Variants in KCNAB2 observed in about 807,000 individuals in gnomAD.
The protein encoded by KCNAB2 is voltage-gated potassium channel subunit beta-2.
In KCNAB2, 29 loss-of-function variants were observed where a neutral mutation model predicts 63.6. That is an observed-to-expected ratio of 0.46 (90% CI 0.34 to 0.62). KCNAB2 has a LOEUF of 0.62. Among genes scored for constraint, KCNAB2 ranks in the 20% least tolerant of loss-of-function variants. The pLI is 0.01. For missense variants in KCNAB2, 359 were observed against 563.9 expected (o/e 0.64, Z 3.68); for synonymous variants, 222 against 224.2 (o/e 0.99, Z 0.09).
chr1:6,094,538 C>G, intron 11 of KCNAB2, 53 bp downstream of exon 11: 1 of 1,457,286 alleles, frequency 6.9e-7, no homozygotes, highest in Non-Finnish European at 9.4e-7. Context: ...CCGGCACCGG[C>G]TGCGTATGGA....
upstream of KCNAB2, among the ~76,000 whole-genome samples, chr1:6,031,628 T>C (rs978048901): frequency 6.6e-5 from 10 of 151,970 alleles, no homozygotes; most frequent in African/African-American, 2.4e-5. This position sits in a 1 kb window ranked among gnomAD's most constrained non-coding sequence, Gnocchi z 4.1. Context: ...GGCTCACGCC[T>C]GTAATCCCAA....
At chr1:5,998,526 C>A (rs556680579) in intron 1 of KCNAB2, among the ~76,000 whole-genome samples, 2 of 152,226 alleles carry the variant, frequency 1.3e-5, no homozygotes, top group African/African-American at 2.4e-5. Flanking sequence ...GACAGTGTCA[C>A]CTGGGGGTAG....
At chr1:6,018,088 C>T (rs546610975) in intron 1 of KCNAB2, among the ~76,000 whole-genome samples, 2 of 152,254 alleles carry the variant, frequency 1.3e-5, no homozygotes, top group South Asian at 2.1e-4. Context: ...CTGTAAACCA[C>T]ACCCAACTAA....
rs976563496 is a variant in KCNAB2 at position 6,099,431 on chromosome 1, G to C, written c.*857G>C. On this transcript the variant is annotated 3_prime_UTR_variant, in exon 16 of 16. Coordinates refer to ENST00000378083, the MANE Select transcript of KCNAB2 (RefSeq NM_001199862.2). ...GGGTCCCAGTGGGGCAGGCCCCTCT[G>C]TCTGGCCACCCCTCTGTCCTGGCCC... 3 of 197,026 alleles carry C rather than the reference G, an allele frequency of 1.5e-5. No individual in the cohort carries two copies. The highest frequency in any genetic ancestry group is 2.3e-5 in the African/African-American group (1 of 43,086). 12.2% of individuals were successfully genotyped at this position (197,026 alleles called of 1,614,324 possible).
At chr1:6,053,127 T>C (rs1661528172) in intron 2 of KCNAB2, among the ~76,000 whole-genome samples, 1 of 152,134 alleles carries the variant, frequency 6.6e-6, no homozygotes, top group Non-Finnish European at 1.5e-5. Context: ...TTTCAGGCTT[T>C]GTATCCTAAA....
At chr1:6,072,860 A>G in intron 3 of KCNAB2, 62 bp downstream of exon 3, 7 of 1,520,366 alleles carry the variant, frequency 4.6e-6, no homozygotes, top group Non-Finnish European at 5.5e-6. Context: ...CCGGGCATGG[A>G]CTGAACTGGA....
intron 4 of KCNAB2, among the ~76,000 whole-genome samples, chr1:6,076,039 G>C (rs1663631973): frequency 6.6e-6 from 1 of 152,238 alleles, no homozygotes; most frequent in Non-Finnish European, 1.5e-5. Flanking sequence ...AATTGCAACA[G>C]AGACTCTCTG....
intron 1 of KCNAB2, among the ~76,000 whole-genome samples, chr1:6,010,926 G>GC (rs1658110983): frequency 6.6e-6 from 1 of 152,212 alleles, no homozygotes. Flanking sequence ...CAGGCGAGCA[G>GC]CCTGCCCCAG....
In KCNAB2 at chr1:6,082,270, G is replaced by A. The variant is rs756890774; in HGVS notation, c.376G>A (p.Gly126Ser). 25 of 1,611,488 alleles carry A rather than the reference G, an allele frequency of 1.6e-5. No individual in the cohort carries two copies. The highest frequency in any genetic ancestry group is 1.8e-5 in the Non-Finnish European group (21 of 1,178,586). Residue 126 changes from glycine to serine, a missense_variant, in exon 5 of 16, where the codon GGC (glycine) becomes AGC (serine). Transcript: ENST00000378083. Reference protein sequence around the residue: ...LFDTAEVYAAGKAEVVLGNII... With the variant: ...LFDTAEVYAASKAEVVLGNII... ...CGATACAGCAGAAGTCTACGCAGCC[G>A]GCAAGTACGTGTCTTTTCACACGGG...
chr1:6,085,051 A>T (rs1664577123), intron 5 of KCNAB2, among the ~76,000 whole-genome samples, 153 bp from the exon 6 acceptor site: 1 of 152,142 alleles, frequency 6.6e-6, no homozygotes, highest in African/African-American at 2.4e-5. Flanking sequence ...CTGTCTGTGG[A>T]ATGAGCTACT....
chr1:6,003,453 C>T lies in KCNAB2; in HGVS notation c.-53+10665C>T, dbSNP rs958831386. ...ACGCAGGCACCGTCCACCTTCTCCA[C>T]TCTTAGCGCGAGCCCTGCCCCAGCC... On this transcript the variant is annotated intron_variant, in intron 1 of 16. Coordinates refer to the KCNAB2 transcript ENST00000341524. This position sits in a 1 kb window ranked among gnomAD's most constrained non-coding sequence, Gnocchi z 4.1. Among the ~76,000 whole-genome samples, 3 of 152,230 alleles carry T rather than the reference C, an allele frequency of 2.0e-5. No homozygotes were observed. The highest frequency in any genetic ancestry group is 4.4e-5 in the Non-Finnish European group (3 of 68,040).
chr1:6,098,225 G>C (rs1457737782), intron 15 of KCNAB2: 1 of 1,230,340 alleles, frequency 8.1e-7, no homozygotes, highest in African/African-American at 1.6e-5. Context: ...TGTCACTGCT[G>C]CCACCACCCT....
At position 6,017,406 on chromosome 1, in the gene KCNAB2, C is replaced by CTGTGTG. The variant is rs56202547; in HGVS notation, c.-52-23083_-52-23078dup. ...CACAGGTGCACATCACCATACCTGG[C>CTGTGTG]TGTGTGTGTGTGTGTGTGTGTGTGT... On this transcript the variant is annotated intron_variant, in intron 1 of 16. Coordinates refer to the KCNAB2 transcript ENST00000341524. Among the ~76,000 whole-genome samples, 392 of 147,300 alleles carry CTGTGTG rather than the reference C, an allele frequency of 2.7e-3. 2 individuals are homozygous for CTGTGTG. Among genetic ancestry groups the CTGTGTG allele is most frequent in the East Asian group, 6.7e-3 (33 of 4,940 alleles).
chr1:6,039,035 C>T (rs1244748649), intron 1 of KCNAB2, among the ~76,000 whole-genome samples: 1 of 152,182 alleles, frequency 6.6e-6, no homozygotes, highest in Non-Finnish European at 1.5e-5. Flanking sequence ...ACACACCCCC[C>T]CCAGAGAGGG....
At chr1:6,039,877 A>G (rs1389637998) in intron 1 of KCNAB2, among the ~76,000 whole-genome samples, 1 of 152,236 alleles carries the variant, frequency 6.6e-6, no homozygotes, top group Non-Finnish European at 1.5e-5. Flanking sequence ...GACAGTCTCT[A>G]GCAAGACAGA....
intron 1 of KCNAB2, among the ~76,000 whole-genome samples, chr1:6,008,489 C>T (rs1171010317): frequency 1.3e-5 from 2 of 152,208 alleles, no homozygotes; most frequent in Admixed American, 6.5e-5. Context: ...GGCATGATGG[C>T]GTGCACCTGT....
chr1:6,066,677 T>C (rs1454862877), intron 2 of KCNAB2, among the ~76,000 whole-genome samples: 1 of 152,200 alleles, frequency 6.6e-6, no homozygotes. Context: ...CAAGATGCCC[T>C]GGGGGTGGTC....
Position 6,091,387 on chromosome 1 carries a change from TC to T in KCNAB2, c.646+81del, listed in dbSNP as rs1665173891. ...GAGACAGTATTTTTATTTACATGAT[TC>T]TTTTACCCCATGAGAAACTTCTCCA... On this transcript the variant is annotated intron_variant, in intron 10 of 15. Coordinates refer to ENST00000378083, the MANE Select transcript of KCNAB2 (RefSeq NM_001199862.2). The T allele has an allele frequency of 5.7e-6, 6 of 1,048,936 alleles. No individual in the cohort carries two copies. The East Asian group carries it at 1.6e-4, about 27-fold the overall frequency. The allele number at this position is 1,048,936 out of a possible 1,614,324, so 65.0% of individuals were successfully genotyped here.
chr1:6,050,185 T>C (rs1428538889), intron 1 of KCNAB2, among the ~76,000 whole-genome samples: 1 of 152,172 alleles, frequency 6.6e-6, no homozygotes, highest in Non-Finnish European at 1.5e-5. Flanking sequence ...TTTCCTCTCT[T>C]GGGGCAGAAG....
Sources: allele counts gnomAD v4.1 joint callset (sites outside exome capture counted in the v4.1 genomes callset), GRCh38; gene constraint gnomAD v4.1.1; non-coding constraint Gnocchi (gnomAD v3.1); transcripts MANE v1.5; gene names NCBI Gene and HGNC (gene_info 2026-07-23, HGNC 2026-07-21).